PANK3: variants seen among roughly 807,000 people sequenced by gnomAD.
The protein encoded by PANK3 is pantothenate kinase 3.
Under a neutral mutation model 39.4 loss-of-function variants are expected in PANK3, and 20 were observed. That is an observed-to-expected ratio of 0.51 (90% confidence interval 0.36 to 0.74). The LOEUF (loss-of-function observed/expected upper bound fraction) is 0.74, where lower values mean the gene tolerates loss of function less well. Ranked by LOEUF, PANK3 falls within the 30% of genes least tolerant of loss-of-function variation. PANK3 has a pLI of 0.00. For missense variants in PANK3, 265 were observed against 437.0 expected, an observed-to-expected ratio of 0.61 and a Z score of 3.51; for synonymous variants, 140 against 157.3, an observed-to-expected ratio of 0.89 and a Z score of 0.82.
chr5:168,561,609 A>C (rs1237689294), intron 4 of PANK3, 93 bp from the exon 5 acceptor site: 1 of 1,124,712 alleles, frequency 8.9e-7, no homozygotes, highest in East Asian at 2.9e-5. Flanking sequence ...TATTTTTATA[A>C]AATTAGGACC....
chr5:168,564,544 C>T (rs1334725473), intron 3 of PANK3, among the ~76,000 whole-genome samples: 1 of 152,118 alleles, frequency 6.6e-6, no homozygotes, highest in Non-Finnish European at 1.5e-5. Context: ...AGCAATCTTC[C>T]TGTTCCAGCC....
In PANK3 at chr5:168,559,417, A is replaced by C. The variant is rs554721750; in HGVS notation, c.937-260T>G. On this transcript the variant is annotated intron_variant, in intron 5 of 6. Transcript: ENST00000239231. ...AAATTATGGACTTTGGGTGATGATG[A>C]TGTGTGCACAGGGTTATGGACTGTA... 2.6e-5 allele frequency among the ~76,000 whole-genome samples: 4 copies of C among 152,264 alleles called. No homozygotes were observed. The South Asian group carries it at 8.3e-4, about 32-fold the overall frequency.
chr5:168,568,935 A>G lies in PANK3; in HGVS notation c.92T>C (p.Ile31Thr), dbSNP rs1192073022. The change falls in exon 2 of 7, where the codon ATT (isoleucine) becomes ACT (threonine). Residue 31 changes from isoleucine (I) to threonine (T), a missense_variant. Ile to Thr is a moderately conservative substitution (Grantham distance 89). Around this residue, in one of 3 missense-constraint regions of PANK3, gnomAD observed 154 missense variants for 256.8 expected, o/e 0.60. Transcript: ENST00000239231. ...TTGCTCTTCCTCTGCTGTGATATCAATAGGTTCAAAGTACGAGAGCTTTAC... is the reference window on the plus strand; with the variant it reads ...TTGCTCTTCCTCTGCTGTGATATCAGTAGGTTCAAAGTACGAGAGCTTTAC... ...TLVKLSYFEP[I>T]DITAEEEQEE... 12 of 1,611,170 alleles carry G rather than the reference A, an allele frequency of 7.4e-6. No individual in the cohort carries two copies. Among genetic ancestry groups the G allele is most frequent in the Non-Finnish European group, 9.3e-6 (11 of 1,179,416 alleles).
At chr5:168,568,351 T>C (rs1759568012) in intron 2 of PANK3, among the ~76,000 whole-genome samples, 2 of 152,226 alleles carry the variant, frequency 1.3e-5, no homozygotes, top group African/African-American at 2.4e-5. Flanking sequence ...GCTTCATTTA[T>C]ATCTGGCTTT....
Position 168,553,018 on chromosome 5 carries a change from G to A in PANK3, c.*4553C>T. ...AGCACTCTTATCTCCTAGATGTCCTGGGACACATCCTGAGTCCCCTACAAT... is the reference window on the plus strand; with the variant it reads ...AGCACTCTTATCTCCTAGATGTCCTAGGACACATCCTGAGTCCCCTACAAT... On this transcript the variant is annotated 3_prime_UTR_variant, in exon 7 of 7. Transcript: ENST00000239231. 1 of 307,412 alleles carries A rather than the reference G, an allele frequency of 3.3e-6. No individual in the cohort carries two copies. Among genetic ancestry groups the A allele is most frequent in the Non-Finnish European group, 6.5e-6 (1 of 154,478 alleles). The allele number at this position is 307,412 out of a possible 1,614,324, so 19.0% of individuals were successfully genotyped here. A position where few individuals can be genotyped will look rare whatever the true frequency, so the allele number is the denominator to read the frequency against.
intron 6 of PANK3, among the ~76,000 whole-genome samples, chr5:168,558,003 A>T (rs866607482): frequency 6.6e-6 from 1 of 152,224 alleles, no homozygotes; most frequent in African/African-American, 2.4e-5. Context: ...GGACTGTAAC[A>T]GCAATTCTGC....
intron 1 of PANK3, among the ~76,000 whole-genome samples, chr5:168,569,844 G>A (rs1474675540): frequency 6.6e-6 from 1 of 152,002 alleles, no homozygotes; most frequent in Non-Finnish European, 1.5e-5. Flanking sequence ...TTGAAAACAG[G>A]AGTTTGAAAC....
At position 168,565,879 on chromosome 5, in the gene PANK3, ATATATATT is replaced by A. The variant is rs1424121275; in HGVS notation, c.635+126_635+133del. ...ACTTAAAAAAAAAAAATATATATAT[ATATATATT>A]TTTTTTTTTTGCTGTTGTGCAAATA... On this transcript the variant is annotated intron_variant, in intron 3 of 6. Transcript: ENST00000239231. 8 of 200,738 alleles carry A rather than the reference ATATATATT, an allele frequency of 4.0e-5. 1 individual carries two copies. The highest frequency in any genetic ancestry group is 3.0e-4 in the South Asian group (2 of 6,672). The allele number at this position is 200,738 out of a possible 1,614,324, so 12.4% of individuals were successfully genotyped here. A position where few individuals can be genotyped will look rare whatever the true frequency, so the allele number is the denominator to read the frequency against.
Position 168,552,631 on chromosome 5 carries a change from T to C in PANK3, c.*4940A>G, listed in dbSNP as rs1005682037. On this transcript the variant is annotated 3_prime_UTR_variant, in exon 7 of 7. Transcript: ENST00000239231. ...TCAGAGAAGGCCACAAAGACCAAGATAGCCCCACTACAGACAAAGCTCATC... is the reference window on the plus strand; with the variant it reads ...TCAGAGAAGGCCACAAAGACCAAGACAGCCCCACTACAGACAAAGCTCATC... 1.4e-5 allele frequency: 3 copies of C among 221,646 alleles called. No homozygotes were observed. The highest frequency in any genetic ancestry group is 9.4e-5 in the South Asian group (1 of 10,598). 13.7% of individuals were successfully genotyped at this position (221,646 alleles called of 1,614,324 possible). A position where few individuals can be genotyped will look rare whatever the true frequency, so the allele number is the denominator to read the frequency against.
chr5:168,573,438 A>AAAAAAAAAAAAAAAAAAC (rs1759679655), intron 1 of PANK3, among the ~76,000 whole-genome samples: 1 of 147,676 alleles, frequency 6.8e-6, no homozygotes, highest in Non-Finnish European at 1.5e-5. Context: ...AAAAAAAAAA[A>AAAAAAAAAAAAAAAAAAC]AAAAAAAAGG....
At chr5:168,561,636 T>C (rs771218434) in intron 4 of PANK3, 120 bp from the exon 5 acceptor site, 26 of 814,700 alleles carry the variant, frequency 3.2e-5, no homozygotes, top group Non-Finnish European at 4.5e-5. Context: ...TAGAAACACA[T>C]AGGGATAAGA....
intron 5 of PANK3, chr5:168,561,123 T>C: frequency 3.2e-6 from 1 of 316,008 alleles, no homozygotes. Flanking sequence ...GAACTTTCTT[T>C]TACATCCTCA....
rs1475261693 is a variant in PANK3, at chr5:168,551,026, A to G, written c.*6545T>C. On this transcript the variant is annotated 3_prime_UTR_variant, in exon 7 of 7. Coordinates refer to ENST00000239231, the MANE Select transcript of PANK3 (RefSeq NM_024594.4). ...ATTCAAAATTTAGATATGTCAGAAA[A>G]GCTGGGATGATTGATTTTCACACCA... The G allele has an allele frequency of 6.6e-6, 1 of 152,196 alleles. No homozygotes were observed. Among genetic ancestry groups the G allele is most frequent in the Non-Finnish European group, 1.5e-5 (1 of 68,010 alleles). 9.4% of individuals were successfully genotyped at this position (152,196 alleles called of 1,614,324 possible).
intron 1 of PANK3, among the ~76,000 whole-genome samples, chr5:168,569,380 G>C (rs1288482928): frequency 6.6e-6 from 1 of 150,554 alleles, no homozygotes; most frequent in Non-Finnish European, 1.5e-5. Context: ...TTTTAGTAGA[G>C]ACGGGGTTTC....
intron 6 of PANK3, among the ~76,000 whole-genome samples, chr5:168,558,432 G>A (rs1759387824): frequency 6.6e-6 from 1 of 152,078 alleles, no homozygotes; most frequent in Non-Finnish European, 1.5e-5. Flanking sequence ...CCAAAGTGCT[G>A]GGATTACAGG....
chr5:168,572,379 T>C (rs940568611), intron 1 of PANK3, among the ~76,000 whole-genome samples: 10 of 152,150 alleles, frequency 6.6e-5, no homozygotes, highest in African/African-American at 2.4e-4. Flanking sequence ...GGCTGTTTAT[T>C]TCACCTGGGT....
chr5:168,550,970 C>T lies in PANK3; in HGVS notation c.*6601G>A, dbSNP rs985782996. ...ATAAGTAGTGACTGCTTTGAGAAAA[C>T]ATTTGAATTTTTTGGAAGTGGAAAT... is the stretch of plus-strand genomic sequence containing the variant. On this transcript the variant is annotated 3_prime_UTR_variant, in exon 7 of 7. Coordinates refer to ENST00000239231, the MANE Select transcript of PANK3 (RefSeq NM_024594.4). The T allele has an allele frequency of 6.6e-6, 1 of 152,146 alleles. No homozygotes were observed. Among genetic ancestry groups the T allele is most frequent in the African/African-American group, 2.4e-5 (1 of 41,448 alleles). The allele number at this position is 152,146 out of a possible 1,614,324, so 9.4% of individuals were successfully genotyped here. A position where few individuals can be genotyped will look rare whatever the true frequency, so the allele number is the denominator to read the frequency against.
rs1308593470 is a variant in PANK3 at position 168,556,484 on chromosome 5, A to G, written c.*1087T>C. 6.6e-6 allele frequency: 1 copy of G among 152,398 alleles called. No homozygotes were observed. Among genetic ancestry groups the G allele is most frequent in the South Asian group, 2.1e-4 (1 of 4,826 alleles). 9.4% of individuals were successfully genotyped at this position (152,398 alleles called of 1,614,324 possible). ...TCTTACACATTTCAAACCCTTGCCA[A>G]TAACAGTATTTTAGTTATCAGGTCT... On this transcript the variant is annotated 3_prime_UTR_variant, in exon 7 of 7. Transcript: ENST00000239231.
chr5:168,553,269 A>G lies in PANK3; in HGVS notation c.*4302T>C, dbSNP rs1759300005. ...GGTTGAGAGCACTAAAGGTACCCCA[A>G]AGGGGAGTAGGCGAGATCTCTCCAA... is the stretch of plus-strand genomic sequence containing the variant. On this transcript the variant is annotated 3_prime_UTR_variant, in exon 7 of 7. Coordinates refer to ENST00000239231, the MANE Select transcript of PANK3 (RefSeq NM_024594.4). 1 of 527,966 alleles carries G rather than the reference A, an allele frequency of 1.9e-6. No individual in the cohort carries two copies. The highest frequency in any genetic ancestry group is 1.9e-5 in the African/African-American group (1 of 51,406). The allele number at this position is 527,966 out of a possible 1,614,324, so 32.7% of individuals were successfully genotyped here.
Sources: allele counts gnomAD v4.1 joint callset (sites outside exome capture counted in the v4.1 genomes callset), GRCh38; gene constraint gnomAD v4.1.1; regional missense constraint gnomAD v4.1.1; transcripts MANE v1.5; gene names NCBI Gene and HGNC (gene_info 2026-07-23, HGNC 2026-07-21).